The following BRAF variants were observed in gnomAD, a reference collection of about 807,000 sequenced individuals.
BRAF encodes serine/threonine-protein kinase B-raf.
BRAF carries 16 observed loss-of-function variants against 104.6 expected under a neutral mutation model. That is an observed-to-expected ratio of 0.15 (90% confidence interval 0.10 to 0.23). The LOEUF (loss-of-function observed/expected upper bound fraction) is 0.23. BRAF is among the 10% of genes least tolerant of loss of function. BRAF has a pLI of 1.00. For synonymous variants in BRAF, 310 were observed against 341.6 expected, an observed-to-expected ratio of 0.91 and a Z score of 1.02; for missense variants, 541 against 937.3, an observed-to-expected ratio of 0.58 and a Z score of 5.52.
chr7:140,713,439 C>G, the BRAF span, among the ~76,000 whole-genome samples: 6 of 152,144 alleles, frequency 3.9e-5, no homozygotes, highest in Admixed American at 3.9e-4. Flanking sequence ...ACGTAGCTCT[C>G]GTGCCTTGGT....
chr7:140,760,999 G>C (rs1414364659), intron 14 of BRAF, among the ~76,000 whole-genome samples: 1 of 152,162 alleles, frequency 6.6e-6, no homozygotes, highest in Non-Finnish European at 1.5e-5. Context: ...CCCCAATCTA[G>C]CAAGGCAGGC....
rs1249485713 is a variant in BRAF at position 140,721,431 on chromosome 7, C to G, written c.*5063G>C. The G allele has an allele frequency of 1.6e-6, 2 of 1,251,326 alleles. No individual in the cohort carries two copies. The highest frequency in any genetic ancestry group is 2.6e-4 in the Middle Eastern group (1 of 3,822). 77.5% of individuals were successfully genotyped at this position (1,251,326 alleles called of 1,614,324 possible). ...ATTAACAAAAATTAGAATTGAATTTCAATTTAAATGTCTTTGCCCAAACAA... is the reference window on the plus strand; with the variant it reads ...ATTAACAAAAATTAGAATTGAATTTGAATTTAAATGTCTTTGCCCAAACAA... On this transcript the variant is annotated 3_prime_UTR_variant, in exon 20 of 20. Coordinates refer to ENST00000644969, the MANE Select transcript of BRAF (RefSeq NM_001374258.1).
intron 19 of BRAF, chr7:140,733,332 T>C (rs1352757673): frequency 2.0e-5 from 3 of 150,088 alleles, no homozygotes; most frequent in African/African-American, 4.9e-5. Context: ...CCTTGATCTA[T>C]TGGCTACATT....
At chr7:140,785,181 A>G (rs1229648349) in intron 10 of BRAF, among the ~76,000 whole-genome samples, 1 of 152,188 alleles carries the variant, frequency 6.6e-6, no homozygotes, top group African/African-American at 2.4e-5. Context: ...GGGGAAAGAA[A>G]AACCCAAAAA....
intron 16 of BRAF, among the ~76,000 whole-genome samples, chr7:140,751,838 C>G (rs1292515408): frequency 1.3e-5 from 2 of 152,110 alleles, no homozygotes; most frequent in African/African-American, 4.8e-5. Context: ...TTTGAAAGCC[C>G]TTACAACTTT....
At chr7:140,869,251 T>TA (rs1207181103) in intron 1 of BRAF, among the ~76,000 whole-genome samples, 11 of 152,188 alleles carry the variant, frequency 7.2e-5, no homozygotes, top group African/African-American at 2.7e-4. Context: ...CATGTTCTTT[T>TA]ACATGTTCTA....
chr7:140,732,207 A>G (rs1445137317), intron 19 of BRAF: 2 of 125,890 alleles, frequency 1.6e-5, no homozygotes, highest in Admixed American at 7.8e-5. Context: ...AAAAAAAAAA[A>G]AAAAGGAAAT....
intron 1 of BRAF, among the ~76,000 whole-genome samples, chr7:140,852,762 G>C (rs1586409130): frequency 2.0e-5 from 3 of 152,190 alleles, no homozygotes; most frequent in African/African-American, 7.2e-5. Context: ...TGCTGAATAT[G>C]TCTACTAGTA....
At chr7:140,778,475 A>C (rs557706618) in intron 12 of BRAF, among the ~76,000 whole-genome samples, 1 of 152,294 alleles carries the variant, frequency 6.6e-6, no homozygotes, top group African/African-American at 2.4e-5. Flanking sequence ...ATTTTGCTTA[A>C]AAGTAGGAAA....
At chr7:140,744,873 C>A (rs1006048393) in intron 17 of BRAF, among the ~76,000 whole-genome samples, 2 of 151,940 alleles carry the variant, frequency 1.3e-5, no homozygotes, top group African/African-American at 4.8e-5. Context: ...AAACATAATT[C>A]AGAATTAAAA....
intron 5 of BRAF, among the ~76,000 whole-genome samples, chr7:140,803,337 G>C (rs1317733000): frequency 6.6e-6 from 1 of 152,148 alleles, no homozygotes; most frequent in Non-Finnish European, 1.5e-5. Flanking sequence ...GTGGGAGGGA[G>C]AGAGACTATA....
chr7:140,787,982 G>A (rs1199312141), intron 8 of BRAF, among the ~76,000 whole-genome samples: 1 of 152,036 alleles, frequency 6.6e-6, no homozygotes, highest in Non-Finnish European at 1.5e-5. Flanking sequence ...GGGGCCTGTT[G>A]GAGGGTGGAT....
In BRAF at chr7:140,739,946, T is replaced by C; in HGVS notation, c.2113A>G (p.Ile705Val). Residue 705 changes from isoleucine (I) to valine (V), a missense_variant and splice_region_variant, in exon 18 of 20, where the codon ATA (isoleucine) becomes GTA (valine). Coordinates refer to ENST00000644969, the MANE Select transcript of BRAF (RefSeq NM_001374258.1). ...TATCCTCGTCCCACCATAAAAATTA[T>C]CTGGAGAGAGAAAAAAAAGGGAAAT... Reference protein sequence around the residue: ...PYSNINNRDQIIFMVGRGYLS... With the variant: ...PYSNINNRDQVIFMVGRGYLS... 1 of 1,613,452 alleles carries C rather than the reference T, an allele frequency of 6.2e-7. No individual in the cohort carries two copies. The highest frequency in any genetic ancestry group is 8.5e-7 in the Non-Finnish European group (1 of 1,179,756).
intron 1 of BRAF, among the ~76,000 whole-genome samples, chr7:140,868,994 G>A (rs1216074696): frequency 6.6e-6 from 1 of 152,136 alleles, no homozygotes; most frequent in Non-Finnish European, 1.5e-5. Context: ...ATAAAAGGGA[G>A]TCATCCTCGA....
intron 6 of BRAF, 95 bp from the exon 7 acceptor site, chr7:140,800,576 C>A (rs1802993309): frequency 1.6e-5 from 26 of 1,576,866 alleles, no homozygotes; most frequent in Non-Finnish European, 2.2e-5. Flanking sequence ...AGATCAAATT[C>A]CATTCTCAGA....
chr7:140,733,030 T>C (rs1268752415), intron 19 of BRAF: 5 of 152,154 alleles, frequency 3.3e-5, no homozygotes, highest in Non-Finnish European at 7.3e-5. Flanking sequence ...GTATCATTTT[T>C]AAAAATACGT....
chr7:140,839,904 T>G (rs976044670), intron 2 of BRAF, among the ~76,000 whole-genome samples: 2 of 152,146 alleles, frequency 1.3e-5, no homozygotes, highest in Non-Finnish European at 2.9e-5. Flanking sequence ...CAACCAAAAG[T>G]AAGACTGCTA....
intron 1 of BRAF, among the ~76,000 whole-genome samples, chr7:140,917,638 T>G (rs150593140): frequency 1.3e-5 from 2 of 152,198 alleles, no homozygotes; most frequent in Non-Finnish European, 2.9e-5. Context: ...ACAAAAGCAA[T>G]TATGAACTTT....
intron 1 of BRAF, among the ~76,000 whole-genome samples, chr7:140,912,111 C>A (rs529522287): frequency 6.6e-6 from 1 of 152,290 alleles, no homozygotes; most frequent in East Asian, 1.9e-4. Flanking sequence ...TATGACTGTG[C>A]CACTGCACCC....
Sources: gnomAD v4.1 joint callset for allele counts (sites outside exome capture counted in the v4.1 genomes callset) on GRCh38, gnomAD v4.1.1 for gene constraint, MANE v1.5 for transcripts, NCBI Gene and HGNC (gene_info 2026-07-23, HGNC 2026-07-21) for gene names.